Variants in SLC45A2 observed in about 807,000 individuals in gnomAD.
SLC45A2 encodes the protein membrane-associated transporter protein.
A neutral mutation model predicts 45.5 loss-of-function variants in SLC45A2; 36 were observed. The ratio of observed to expected loss-of-function variants is 0.79; its 90% CI spans 0.61 to 1.04. SLC45A2 has a LOEUF of 1.04. SLC45A2 is among the 50% of genes least tolerant of loss of function. The pLI is 0.00. For missense variants in SLC45A2, 719 were observed against 671.0 expected (o/e 1.07, Z -0.79); for synonymous variants, 306 against 269.3 (o/e 1.14, Z -1.33).
intron 1 of SLC45A2, 141 bp downstream of exon 1, chr5:33,984,058 A>C: frequency 8.4e-7 from 1 of 1,194,918 alleles, no homozygotes; most frequent in Non-Finnish European, 1.2e-6. Flanking sequence ...CAAATTTGTC[A>C]AAGGGGAAGT....
intron 2 of SLC45A2, among the ~76,000 whole-genome samples, chr5:33,972,934 G>A (rs1752829227): frequency 6.6e-6 from 1 of 152,192 alleles, no homozygotes; most frequent in African/African-American, 2.4e-5. Flanking sequence ...GGATAAGAAA[G>A]CATTTTTGTG....
At chr5:33,952,185 G>T (rs1030753465) in intron 4 of SLC45A2, among the ~76,000 whole-genome samples, 2 of 151,940 alleles carry the variant, frequency 1.3e-5, no homozygotes, top group African/African-American at 2.4e-5. Flanking sequence ...GGAGTACAGC[G>T]GCACAGTCAT....
At chr5:33,950,598 A>G (rs40132) in intron 5 of SLC45A2, among the ~76,000 whole-genome samples, 11,187 of 152,150 alleles carry the variant, frequency 0.074, 1,253 homozygotes, top group East Asian at 0.42. Flanking sequence ...GCCCTCACAT[A>G]CATCCACACT....
In SLC45A2 at chr5:33,982,223, G is replaced by A; in HGVS notation, c.562+13C>T. On this transcript the variant is annotated intron_variant, in intron 2 of 6. Coordinates refer to ENST00000296589, the MANE Select transcript of SLC45A2 (RefSeq NM_016180.5). The stretch of plus-strand genomic sequence containing the variant: ...GGGGAGCTGAAGGAGAGACTTTCTG[G>A]AATATTCCCTACCTGTGAAGAGGGC... 1 of 1,613,838 alleles carries A rather than the reference G, an allele frequency of 6.2e-7. No individual in the cohort carries two copies. The highest frequency in any genetic ancestry group is 8.5e-7 in the Non-Finnish European group (1 of 1,179,818).
chr5:33,951,453 T>C, intron 5 of SLC45A2, 101 bp downstream of exon 5: 1 of 1,605,084 alleles, frequency 6.2e-7, no homozygotes, highest in Non-Finnish European at 8.5e-7. Context: ...ATTAAGAATC[T>C]GGTATTTTAA....
intron 2 of SLC45A2, among the ~76,000 whole-genome samples, chr5:33,975,002 G>A (rs1370908894): frequency 6.6e-6 from 1 of 152,186 alleles, no homozygotes; most frequent in African/African-American, 2.4e-5. Flanking sequence ...CTGAGTTGGG[G>A]ACTTTAGAAT....
chr5:33,949,516 T>G (rs1306634507), intron 5 of SLC45A2, among the ~76,000 whole-genome samples: 1 of 152,102 alleles, frequency 6.6e-6, no homozygotes, highest in Non-Finnish European at 1.5e-5. Flanking sequence ...GGTGGTTAAT[T>G]GATATGGGAG....
chr5:33,965,538 C>A (rs1310289755), intron 2 of SLC45A2, among the ~76,000 whole-genome samples: 1 of 152,120 alleles, frequency 6.6e-6, no homozygotes, highest in Non-Finnish European at 1.5e-5. Context: ...TGAAGTAAGA[C>A]ATATAGTCTC....
intron 6 of SLC45A2, chr5:33,946,693 T>C: frequency 1.9e-6 from 2 of 1,037,912 alleles, no homozygotes; most frequent in Non-Finnish European, 2.3e-6. Flanking sequence ...TGCCTAGGAC[T>C]TTCCTACCCT....
chr5:33,984,578 A>T lies in SLC45A2; in HGVS notation c.6T>A (p.Gly2=), dbSNP rs1260239437. The T allele has an allele frequency of 6.2e-7, 1 of 1,609,346 alleles. No individual in the cohort carries two copies. Among genetic ancestry groups the T allele is most frequent in the Non-Finnish European group, 8.5e-7 (1 of 1,179,972 alleles). The change falls in exon 1 of 7, where the codon GGT becomes GGA. Residue 2 remains glycine, a synonymous_variant. Coordinates refer to ENST00000296589, the MANE Select transcript of SLC45A2 (RefSeq NM_016180.5). ...GGCGGCCAGCCTGCCCACTGTTGCT[A>T]CCCATGGCCACTGGGAGAGGAACCT... M[G]SNSGQAGRHI...
rs779388458 is a variant in SLC45A2, at chr5:33,978,309, G to T, written c.562+3927C>A. Among the ~76,000 whole-genome samples, 6 of 152,114 alleles carry T rather than the reference G, an allele frequency of 3.9e-5. 1 individual carries two copies. Among genetic ancestry groups the T allele is most frequent in the Admixed American group, 2.0e-4 (3 of 15,290 alleles). ...CACATGACAGATAACAGACCCTGAA[G>T]AAAATTAATGCATTTTACCCAAAAT... On this transcript the variant is annotated intron_variant, in intron 2 of 6. Transcript: ENST00000296589.
intron 6 of SLC45A2, chr5:33,946,840 C>CT (rs1355176543): frequency 3.1e-6 from 4 of 1,303,868 alleles, no homozygotes; most frequent in East Asian, 6.8e-5. Context: ...CTGGGTCCCC[C>CT]TTTTTTTGTC....
At chr5:33,983,592 T>C (rs1355991129) in intron 1 of SLC45A2, among the ~76,000 whole-genome samples, 1 of 152,254 alleles carries the variant, frequency 6.6e-6, no homozygotes, top group African/African-American at 2.4e-5. Context: ...GCGATCCTTT[T>C]TGCAATGCAA....
chr5:33,971,714 C>T (rs1489652901), intron 2 of SLC45A2, among the ~76,000 whole-genome samples: 1 of 152,180 alleles, frequency 6.6e-6, no homozygotes, highest in Non-Finnish European at 1.5e-5. Flanking sequence ...GTAACCTCCA[C>T]CTTCTGGGTT....
At chr5:33,946,756 GGA>G (rs1751941404) in intron 6 of SLC45A2, 20 of 1,100,366 alleles carry the variant, frequency 1.8e-5, no homozygotes, top group Non-Finnish European at 2.1e-5. Context: ...TTGGGGATAG[GGA>G]GACCCTTATT....
chr5:33,962,134 T>G (rs1457960554), intron 3 of SLC45A2, among the ~76,000 whole-genome samples: 1 of 152,208 alleles, frequency 6.6e-6, no homozygotes, highest in Admixed American at 6.5e-5. Context: ...TTTTAAAAGA[T>G]CTGAACTGAT....
rs751978811 is a variant in SLC45A2 at position 33,984,307 on chromosome 5, C to T, written c.277G>A (p.Asp93Asn). ...LLQPVVGSAS[D>N]HCRSRWGRRR... ...CGGCCCCACCTGGACCGGCAGTGGT[C>T]GCTGGCCGATCCGACCACGGGCTGC... The change falls in exon 1 of 7, where the codon GAC becomes AAC. Residue 93 changes from aspartate to asparagine, a missense_variant. By Grantham distance (23) the Asp-to-Asn change is conservative. Transcript: ENST00000296589. 6 of 1,613,950 alleles carry T rather than the reference C, an allele frequency of 3.7e-6. No individual in the cohort carries two copies. Among genetic ancestry groups the T allele is most frequent in the Middle Eastern group, 1.6e-4 (1 of 6,084 alleles).
At chr5:33,966,104 G>T (rs1262341949) in intron 2 of SLC45A2, among the ~76,000 whole-genome samples, 1 of 152,176 alleles carries the variant, frequency 6.6e-6, no homozygotes, top group African/African-American at 2.4e-5. Flanking sequence ...TCATTTGAAA[G>T]AATTGATATG....
chr5:33,962,043 C>T (rs1752471942), intron 3 of SLC45A2, among the ~76,000 whole-genome samples: 1 of 152,188 alleles, frequency 6.6e-6, no homozygotes, highest in Non-Finnish European at 1.5e-5. Context: ...CTTTCCCTTC[C>T]TATTTCTGCT....
Sources: gnomAD v4.1 joint callset for allele counts (sites outside exome capture counted in the v4.1 genomes callset) on GRCh38, gnomAD v4.1.1 for gene constraint, MANE v1.5 for transcripts, NCBI Gene and HGNC (gene_info 2026-07-23, HGNC 2026-07-21) for gene names.